Variants in GPC5 observed in about 807,000 individuals in gnomAD.
The protein encoded by GPC5 is glypican-5.
GPC5 carries 47 observed loss-of-function variants against 53.9 expected under a neutral mutation model. The observed-to-expected ratio is 0.87, with a 90% CI of 0.69 to 1.11. The LOEUF is 1.11. Among genes scored for constraint, GPC5 ranks in the 50% most tolerant of loss-of-function variants. The pLI, the probability that GPC5 is intolerant of heterozygous loss-of-function variation, is 0.00. For missense variants in GPC5, 748 were observed against 713.1 expected, an observed-to-expected ratio of 1.05 and a Z score of -0.56; for synonymous variants, 286 against 263.3, an observed-to-expected ratio of 1.09 and a Z score of -0.84.
chr13:91,427,823 A>T (rs1879161142), intron 1 of GPC5, among the ~76,000 whole-genome samples: 1 of 152,064 alleles, frequency 6.6e-6, no homozygotes, highest in Non-Finnish European at 1.5e-5. Context: ...GGGGGAAGTG[A>T]TTAGGTTATG....
intron 7 of GPC5, among the ~76,000 whole-genome samples, chr13:92,806,243 A>G (rs1594519828): frequency 6.6e-6 from 1 of 152,084 alleles, no homozygotes; most frequent in African/African-American, 2.4e-5. Context: ...GCTAGCTTCA[A>G]ACTTTTCTTC....
intron 7 of GPC5, among the ~76,000 whole-genome samples, chr13:92,465,809 A>G (rs1878668693): frequency 6.6e-6 from 1 of 152,094 alleles, no homozygotes; most frequent in African/African-American, 2.4e-5. Context: ...TTCATTAAAA[A>G]GTTCTATTGT....
At chr13:92,831,937 C>G (rs1200604691) in intron 7 of GPC5, among the ~76,000 whole-genome samples, 1 of 152,128 alleles carries the variant, frequency 6.6e-6, no homozygotes, top group Admixed American at 6.6e-5. Context: ...TTGTTTGAAA[C>G]ATGCACTCAT....
chr13:92,363,107 C>T (rs553308640), intron 7 of GPC5, among the ~76,000 whole-genome samples: 9 of 151,754 alleles, frequency 5.9e-5, no homozygotes, highest in South Asian at 2.1e-4. Flanking sequence ...CCCCTTAAGC[C>T]TTTGGGTCAA....
chr13:92,695,178 C>A (rs554615676), intron 7 of GPC5, among the ~76,000 whole-genome samples: 1 of 152,112 alleles, frequency 6.6e-6, no homozygotes, highest in Non-Finnish European at 1.5e-5. Context: ...TGAAAAGGGA[C>A]GACTACAAGC....
At chr13:91,871,429 G>A (rs530025819) in intron 5 of GPC5, among the ~76,000 whole-genome samples, 1 of 151,844 alleles carries the variant, frequency 6.6e-6, no homozygotes, top group African/African-American at 2.4e-5. Context: ...GTGATGAAAT[G>A]ATATATACAA....
intron 1 of GPC5, among the ~76,000 whole-genome samples, chr13:91,447,294 A>C (rs187772154): frequency 6.2e-4 from 94 of 150,974 alleles, no homozygotes; most frequent in African/African-American, 2.3e-3. Flanking sequence ...CTAATTCCTC[A>C]ATCCTTCAAT....
intron 7 of GPC5, among the ~76,000 whole-genome samples, chr13:92,223,422 G>A (rs2042463176): frequency 1.3e-5 from 2 of 152,050 alleles, no homozygotes; most frequent in South Asian, 2.1e-4. Context: ...AAAAGCTTCA[G>A]GGGTCTTCTA....
intron 6 of GPC5, among the ~76,000 whole-genome samples, chr13:91,946,802 A>C (rs149531932): frequency 1.8e-4 from 28 of 152,340 alleles, no homozygotes; most frequent in African/African-American, 6.7e-4. Flanking sequence ...CAATACCTTG[A>C]GTCTGTTTCA....
chr13:91,855,256 A>T (rs1031758292), intron 5 of GPC5, among the ~76,000 whole-genome samples: 1 of 151,724 alleles, frequency 6.6e-6, no homozygotes, highest in African/African-American at 2.4e-5. Context: ...ATGAAACCAA[A>T]GAACAGGCAC....
At chr13:91,909,349 G>T (rs1566336377) in intron 6 of GPC5, among the ~76,000 whole-genome samples, 1 of 152,068 alleles carries the variant, frequency 6.6e-6, no homozygotes, top group Non-Finnish European at 1.5e-5. Context: ...AAAACCAAAA[G>T]AGCTTTAATA....
At chr13:91,658,282 C>A (rs1001504366) in intron 2 of GPC5, among the ~76,000 whole-genome samples, 2 of 151,698 alleles carry the variant, frequency 1.3e-5, no homozygotes, top group South Asian at 2.1e-4. Context: ...TGATAAAATT[C>A]AATTGAAATA....
chr13:91,438,874 C>T (rs1215815459), intron 1 of GPC5, among the ~76,000 whole-genome samples: 2 of 152,206 alleles, frequency 1.3e-5, no homozygotes, highest in Non-Finnish European at 2.9e-5. Context: ...GCGCCCCTCC[C>T]CCAGCCTCGC....
chr13:92,495,941 G>T lies in GPC5; in HGVS notation c.1561+350952G>T, dbSNP rs541718827. 1.8e-4 allele frequency among the ~76,000 whole-genome samples: 27 copies of T among 151,914 alleles called. No homozygotes were observed. In the South Asian group the frequency reaches 5.6e-3, roughly 32 times the overall value. On this transcript the variant is annotated intron_variant, in intron 7 of 7. Coordinates refer to ENST00000377067, the MANE Select transcript of GPC5 (RefSeq NM_004466.6). The stretch of plus-strand genomic sequence containing the variant: ...ATTTAAAGTTACGCTAACTCCAATG[G>T]TTTGCTTTTCAACAATTTTTTTTAA...
intron 6 of GPC5, among the ~76,000 whole-genome samples, chr13:91,963,190 G>A (rs372857919): frequency 3.9e-5 from 6 of 152,126 alleles, no homozygotes; most frequent in African/African-American, 1.4e-4. Flanking sequence ...TTATAGAGCT[G>A]AGTAGTGCTT....
intron 2 of GPC5, among the ~76,000 whole-genome samples, chr13:91,639,422 T>C (rs994736587): frequency 6.6e-6 from 1 of 152,234 alleles, no homozygotes; most frequent in Non-Finnish European, 1.5e-5. Flanking sequence ...TTGTTATTTC[T>C]AAAGAAATTT....
intron 6 of GPC5, among the ~76,000 whole-genome samples, chr13:92,099,495 A>G (rs980177554): frequency 1.3e-5 from 2 of 152,040 alleles, no homozygotes; most frequent in Non-Finnish European, 2.9e-5. Context: ...CTAATGTCCA[A>G]TCTTTCCCAA....
intron 7 of GPC5, among the ~76,000 whole-genome samples, chr13:92,860,136 T>C (rs745525987): frequency 4.6e-5 from 7 of 152,192 alleles, no homozygotes; most frequent in Non-Finnish European, 1.0e-4. Context: ...ATTTCATTCA[T>C]TGTTTCACTT....
intron 7 of GPC5, among the ~76,000 whole-genome samples, chr13:92,257,710 C>T (rs929922538): frequency 1.3e-5 from 2 of 151,578 alleles, no homozygotes; most frequent in South Asian, 4.2e-4. Flanking sequence ...ACCACCACAC[C>T]CGGCTCATTT....
Sources: allele counts gnomAD v4.1 joint callset (sites outside exome capture counted in the v4.1 genomes callset), GRCh38; gene constraint gnomAD v4.1.1; transcripts MANE v1.5; gene names NCBI Gene and HGNC (gene_info 2026-07-23, HGNC 2026-07-21).